ENTREP2: variants seen among roughly 807,000 people sequenced by gnomAD.
ENTREP2 encodes protein ENTREP2.
At chr15:29,176,518 C>T in the ENTREP2 span, among the ~76,000 whole-genome samples, 3 of 152,182 alleles carry the variant, frequency 2.0e-5, no homozygotes, top group Non-Finnish European at 4.4e-5. Flanking sequence ...AGAAGCATCC[C>T]TCCTCAGCTC....
chr15:29,575,873 T>C, the ENTREP2 span, among the ~76,000 whole-genome samples: 1 of 152,220 alleles, frequency 6.6e-6, no homozygotes, highest in Non-Finnish European at 1.5e-5. Flanking sequence ...ACTTGCTATG[T>C]TCATGCATAG....
chr15:29,389,799 C>T, the ENTREP2 span, among the ~76,000 whole-genome samples: 1 of 151,914 alleles, frequency 6.6e-6, no homozygotes, highest in Non-Finnish European at 1.5e-5. Context: ...GGCCTCAATT[C>T]ATTATTTGTT....
At chr15:29,479,247 C>A in the ENTREP2 span, among the ~76,000 whole-genome samples, 1 of 151,486 alleles carries the variant, frequency 6.6e-6, no homozygotes, top group Non-Finnish European at 1.5e-5. Flanking sequence ...ACCTCTCCGA[C>A]CCCCGCTCCT....
the ENTREP2 span, among the ~76,000 whole-genome samples, chr15:29,646,464 A>T: frequency 6.6e-6 from 1 of 152,140 alleles, no homozygotes; most frequent in Non-Finnish European, 1.5e-5. Flanking sequence ...GTCCTTCTCT[A>T]CGTGAGGCCC....
chr15:29,624,871 T>TTGCG, the ENTREP2 span, among the ~76,000 whole-genome samples: 1 of 143,624 alleles, frequency 7.0e-6, no homozygotes, highest in Non-Finnish European at 1.5e-5. Context: ...CTGCATTAAT[T>TTGCG]TGTGTGTGTG....
At chr15:29,607,502 A>T in the ENTREP2 span, among the ~76,000 whole-genome samples, 1 of 151,984 alleles carries the variant, frequency 6.6e-6, no homozygotes, top group Non-Finnish European at 1.5e-5. Flanking sequence ...TTGTCACTTC[A>T]TTTCCAAGTT....
At chr15:29,398,885 C>T in the ENTREP2 span, among the ~76,000 whole-genome samples, 7 of 152,078 alleles carry the variant, frequency 4.6e-5, no homozygotes, top group South Asian at 2.1e-4. Flanking sequence ...GATTAGGTTA[C>T]GCTGCCTGAC....
At chr15:29,469,969 T>G in the ENTREP2 span, among the ~76,000 whole-genome samples, 1 of 152,288 alleles carries the variant, frequency 6.6e-6, no homozygotes, top group Non-Finnish European at 1.5e-5. Context: ...TCAGTGCCCC[T>G]GGGTCATCAA....
At chr15:29,461,129 A>G in the ENTREP2 span, among the ~76,000 whole-genome samples, 17 of 152,204 alleles carry the variant, frequency 1.1e-4, no homozygotes, top group African/African-American at 3.9e-4. Context: ...CATGCCCAAC[A>G]CTATCCCATT....
chr15:29,496,681 T>A, the ENTREP2 span, among the ~76,000 whole-genome samples: 1 of 152,212 alleles, frequency 6.6e-6, no homozygotes, highest in Admixed American at 6.5e-5. Context: ...TCATATAATT[T>A]TTGTCCTTCA....
At chr15:29,553,117 G>A in the ENTREP2 span, among the ~76,000 whole-genome samples, 6 of 152,286 alleles carry the variant, frequency 3.9e-5, no homozygotes, top group Admixed American at 2.6e-4. Context: ...CCAGCATGGC[G>A]AAACCCCGTC....
the ENTREP2 span, among the ~76,000 whole-genome samples, chr15:29,227,759 A>G: frequency 6.6e-6 from 1 of 152,116 alleles, no homozygotes; most frequent in Non-Finnish European, 1.5e-5. Context: ...AGGGGGAACC[A>G]CTCTGCAGTG....
the ENTREP2 span, among the ~76,000 whole-genome samples, chr15:29,486,552 G>A: frequency 6.6e-5 from 10 of 152,104 alleles, no homozygotes; most frequent in African/African-American, 9.7e-5. Context: ...TTAGCCTGGC[G>A]TGGTGGCGTG....
At chr15:29,119,343 G>C in the ENTREP2 span, among the ~76,000 whole-genome samples, 237 of 46,636 alleles carry the variant, frequency 5.1e-3, 106 homozygotes, top group Middle Eastern at 0.095. Context: ...GTAAACTATC[G>C]CAAGAACAAA....
chr15:29,225,755 G>A, the ENTREP2 span, among the ~76,000 whole-genome samples: 24 of 152,304 alleles, frequency 1.6e-4, no homozygotes, highest in South Asian at 4.2e-4. Context: ...TTCTGAGCAC[G>A]TCAGCCCCTG....
the ENTREP2 span, among the ~76,000 whole-genome samples, chr15:29,480,791 T>G: frequency 6.6e-6 from 1 of 151,924 alleles, no homozygotes; most frequent in African/African-American, 2.4e-5. Context: ...TCCGAAGGTG[T>G]GAGTGGGACC....
chr15:29,525,845 C>T, the ENTREP2 span, among the ~76,000 whole-genome samples: 2 of 152,106 alleles, frequency 1.3e-5, no homozygotes, highest in African/African-American at 4.8e-5. Context: ...ATTCTCAGAA[C>T]TGTATACCCA....
the ENTREP2 span, among the ~76,000 whole-genome samples, chr15:29,647,364 C>T: frequency 1.3e-5 from 2 of 152,146 alleles, no homozygotes; most frequent in Non-Finnish European, 1.5e-5. Flanking sequence ...CTATGTATCG[C>T]CTTTTTACAA....
At chr15:29,549,353 T>C in the ENTREP2 span, among the ~76,000 whole-genome samples, 278 of 151,622 alleles carry the variant, frequency 1.8e-3, no homozygotes, top group African/African-American at 6.5e-3. Flanking sequence ...CACTGCAAGC[T>C]CTGCCTCCCA....
Sources: allele counts gnomAD v4.1 joint callset (sites outside exome capture counted in the v4.1 genomes callset), GRCh38; gene constraint gnomAD v4.1.1; transcripts MANE v1.5; gene names NCBI Gene and HGNC (gene_info 2026-07-23, HGNC 2026-07-21).